FZD3: variants seen among roughly 807,000 people sequenced by gnomAD.
FZD3 encodes frizzled class receptor 3, also known as frizzled-3.
Under a neutral mutation model 60.7 loss-of-function variants are expected in FZD3, and 30 were observed. The ratio of observed to expected loss-of-function variants is 0.49; its 90% CI spans 0.37 to 0.67. The LOEUF (loss-of-function observed/expected upper bound fraction) is 0.67. Among genes scored for constraint, FZD3 ranks in the 30% least tolerant of loss-of-function variants. The pLI, the probability that FZD3 is intolerant of heterozygous loss-of-function variation, is 0.00. For synonymous variants in FZD3, 246 were observed against 275.2 expected (o/e 0.89, Z 1.05); for missense variants, 605 against 838.7 (o/e 0.72, Z 3.44).
intron 5 of FZD3, 120 bp from the exon 6 acceptor site, chr8:28,551,483 T>A (rs1805409931): frequency 1.3e-6 from 1 of 742,438 alleles, no homozygotes; most frequent in African/African-American, 1.8e-5. Flanking sequence ...ACCATTGCAC[T>A]CCAGCCTGGG....
intron 3 of FZD3, among the ~76,000 whole-genome samples, chr8:28,519,715 G>A (rs1804522485): frequency 7.2e-6 from 1 of 139,506 alleles, no homozygotes; most frequent in Admixed American, 7.6e-5. Context: ...GGGTGACAGA[G>A]CGAGACCCTG....
chr8:28,526,086 T>C (rs1804708168), intron 4 of FZD3, among the ~76,000 whole-genome samples: 1 of 104,424 alleles, frequency 9.6e-6, no homozygotes, highest in Non-Finnish European at 2.1e-5. Flanking sequence ...AGTGTATATG[T>C]TGAGTTGGCA....
In FZD3 at chr8:28,527,420, T is replaced by C. The variant is rs138898671; in HGVS notation, c.660T>C (p.Thr220=). ...TTTGCCTCTCGGCCACATTGTTTAC[T>C]TTTTTAACTTTTTTGATTGATGTCA... The part of the protein sequence containing the change: ...SIICLSATLF[T]FLTFLIDVTR... The change falls in exon 5 of 8, where the codon ACT becomes ACC. Residue 220 remains threonine, a synonymous_variant. Transcript: ENST00000240093. The surrounding 1 kb of genome is among the most constrained non-coding windows in gnomAD (Gnocchi z 5.0). The C allele has an allele frequency of 1.2e-4, 201 of 1,613,796 alleles. No individual in the cohort carries two copies. Among genetic ancestry groups the C allele is most frequent in the Non-Finnish European group, 1.6e-4 (186 of 1,179,846 alleles).
At chr8:28,535,750 T>C (rs1585981634) in intron 5 of FZD3, among the ~76,000 whole-genome samples, 1 of 152,348 alleles carries the variant, frequency 6.6e-6, no homozygotes, top group East Asian at 1.9e-4. Context: ...TACTTTTTTA[T>C]ATTGTGTATT....
Position 28,556,858 on chromosome 8 carries a change from G to A in FZD3, c.1787+887G>A, listed in dbSNP as rs77770001. The stretch of plus-strand genomic sequence containing the variant: ...GATTAATTCTGGTGGCTAGGGAGGG[G>A]GTTGGTTTCACAGAGAAAATGTTTG... On this transcript the variant is annotated intron_variant, in intron 7 of 7. Transcript: ENST00000240093. Among the ~76,000 whole-genome samples, 1,300 of 152,270 alleles carry A rather than the reference G, an allele frequency of 8.5e-3. 21 individuals are homozygous for A. The highest frequency in any genetic ancestry group is 0.03 in the African/African-American group (1,228 of 41,532).
intron 5 of FZD3, among the ~76,000 whole-genome samples, chr8:28,529,374 G>A (rs2130381370): frequency 6.6e-6 from 1 of 152,120 alleles, no homozygotes; most frequent in Middle Eastern, 3.4e-3. Context: ...TACCTTTATT[G>A]ACGTACTTAA....
rs1438126191 is a variant in FZD3 at position 28,572,995 on chromosome 8, T to C, written c.*9984T>C. 6.6e-6 allele frequency: 1 copy of C among 152,122 alleles called. No individual in the cohort carries two copies. Among genetic ancestry groups the C allele is most frequent in the African/African-American group, 2.4e-5 (1 of 41,440 alleles). The allele number at this position is 152,122 out of a possible 1,614,324, so 9.4% of individuals were successfully genotyped here. A position where few individuals can be genotyped will look rare whatever the true frequency, so the allele number is the denominator to read the frequency against. On this transcript the variant is annotated 3_prime_UTR_variant, in exon 8 of 8. Coordinates refer to ENST00000240093, the MANE Select transcript of FZD3 (RefSeq NM_017412.4). ...ACAAAAGCTAATCTAGTACACCCCA[T>C]AGAGGTACTCCAGGTGTCTTGGTTT...
chr8:28,547,029 A>G (rs571800156), intron 5 of FZD3, among the ~76,000 whole-genome samples: 1 of 152,272 alleles, frequency 6.6e-6, no homozygotes, highest in South Asian at 2.1e-4. Context: ...AGTATATGGG[A>G]AAAGTCTCCC....
intron 1 of FZD3, among the ~76,000 whole-genome samples, chr8:28,498,069 A>C (rs1803890226): frequency 6.6e-6 from 1 of 152,248 alleles, no homozygotes; most frequent in African/African-American, 2.4e-5. Context: ...TAAGCTTTAA[A>C]GTATCTAGTC....
Position 28,566,605 on chromosome 8 carries a change from C to A in FZD3, c.*3594C>A, listed in dbSNP as rs1805709817. On this transcript the variant is annotated 3_prime_UTR_variant, in exon 8 of 8. Coordinates refer to ENST00000240093, the MANE Select transcript of FZD3 (RefSeq NM_017412.4). ...TGTACCCATCTTAGTTAGGCTATAT[C>A]TCTGTGAAATGAAAGGAACCACTTA... 1 of 152,094 alleles carries A rather than the reference C, an allele frequency of 6.6e-6. No homozygotes were observed. The highest frequency in any genetic ancestry group is 1.5e-5 in the Non-Finnish European group (1 of 68,000). 9.4% of individuals were successfully genotyped at this position (152,094 alleles called of 1,614,324 possible). A position where few individuals can be genotyped will look rare whatever the true frequency, so the allele number is the denominator to read the frequency against.
chr8:28,501,120 G>T (rs1025240152), intron 2 of FZD3, among the ~76,000 whole-genome samples: 2 of 152,158 alleles, frequency 1.3e-5, no homozygotes, highest in Non-Finnish European at 2.9e-5. Flanking sequence ...AATATGGCAG[G>T]CCAAGAATCT....
At position 28,567,672 on chromosome 8, in the gene FZD3, G is replaced by A. The variant is rs1300491486; in HGVS notation, c.*4661G>A. 1.3e-5 allele frequency: 2 copies of A among 152,076 alleles called. No homozygotes were observed. Among genetic ancestry groups the A allele is most frequent in the Admixed American group, 1.3e-4 (2 of 15,266 alleles). 9.4% of individuals were successfully genotyped at this position (152,076 alleles called of 1,614,324 possible). Reference sequence around the variant, plus strand: ...TCTTTTTAGCAATAACAACAAAATAGGCAATTAGACCAGTGTTCATTTGGT... The same window carrying A: ...TCTTTTTAGCAATAACAACAAAATAAGCAATTAGACCAGTGTTCATTTGGT... On this transcript the variant is annotated 3_prime_UTR_variant, in exon 8 of 8. Transcript: ENST00000240093.
chr8:28,538,236 C>T (rs904553928), intron 5 of FZD3, among the ~76,000 whole-genome samples: 14 of 151,556 alleles, frequency 9.2e-5, no homozygotes, highest in African/African-American at 2.2e-4. Flanking sequence ...GTAAATAAGA[C>T]GTATTTCCAG....
At chr8:28,540,777 T>C (rs2130428710) in intron 5 of FZD3, among the ~76,000 whole-genome samples, 1 of 152,170 alleles carries the variant, frequency 6.6e-6, no homozygotes, top group South Asian at 2.1e-4. Context: ...AAACCTTGTG[T>C]CTACTAAAAA....
rs1307816869 is a variant in FZD3, at chr8:28,566,445, A to G, written c.*3434A>G. On this transcript the variant is annotated 3_prime_UTR_variant, in exon 8 of 8. Transcript: ENST00000240093. Reference sequence around the variant, plus strand: ...ACCAGCTGAGTAAATGAATCTTCAAATCAACCTTTCTTTTTCTGCTGCTCT... The same window carrying G: ...ACCAGCTGAGTAAATGAATCTTCAAGTCAACCTTTCTTTTTCTGCTGCTCT... 6.6e-6 allele frequency: 1 copy of G among 152,174 alleles called. No homozygotes were observed. The highest frequency in any genetic ancestry group is 2.4e-5 in the African/African-American group (1 of 41,456). The allele number at this position is 152,174 out of a possible 1,614,324, so 9.4% of individuals were successfully genotyped here.
chr8:28,515,105 A>G (rs1216608228), intron 3 of FZD3, among the ~76,000 whole-genome samples: 1 of 152,224 alleles, frequency 6.6e-6, no homozygotes, highest in Admixed American at 6.5e-5. Context: ...AAATGAGTTC[A>G]TAATAATGGT....
rs144056650 is a variant in FZD3, at chr8:28,531,413, A to T, written c.1404+3249A>T. Among the ~76,000 whole-genome samples the T allele has an allele frequency of 1.8e-3, 268 of 152,280 alleles. 3 individuals carry two copies. The highest frequency in any genetic ancestry group is 6.1e-3 in the African/African-American group (254 of 41,552). ...AATTTATTCACTCATTTATTGATGA[A>T]TTATATAGTTGTTTCTAATTTTTTG... On this transcript the variant is annotated intron_variant, in intron 5 of 7. Transcript: ENST00000240093.
chr8:28,511,064 A>T (rs2130311451), intron 3 of FZD3, among the ~76,000 whole-genome samples: 1 of 151,534 alleles, frequency 6.6e-6, no homozygotes, highest in East Asian at 2.0e-4. Flanking sequence ...ATAAAATAAC[A>T]TTGCCGGCAA....
chr8:28,522,430 C>T (rs993566377), intron 4 of FZD3, among the ~76,000 whole-genome samples: 18 of 152,250 alleles, frequency 1.2e-4, no homozygotes, highest in African/African-American at 4.3e-4. Flanking sequence ...TTGTCTGTTT[C>T]GCACCTATTT....
Sources: gnomAD v4.1 joint callset for allele counts (sites outside exome capture counted in the v4.1 genomes callset) on GRCh38, gnomAD v4.1.1 for gene constraint, Gnocchi (gnomAD v3.1) non-coding constraint, MANE v1.5 for transcripts, NCBI Gene and HGNC (gene_info 2026-07-23, HGNC 2026-07-21) for gene names.